MTCL3: variants seen among roughly 807,000 people sequenced by gnomAD.
MTCL3 encodes the protein microtubule cross-linking factor 3.
the MTCL3 span, among the ~76,000 whole-genome samples, chr6:127,488,790 T>A: frequency 1.3e-5 from 2 of 152,234 alleles, no homozygotes; most frequent in Non-Finnish European, 2.9e-5. Flanking sequence ...GCCCTCTGTA[T>A]CTACAGGTTT....
chr6:127,516,764 T>C, the MTCL3 span: 1 of 1,338,282 alleles, frequency 7.5e-7, no homozygotes. Flanking sequence ...GAGCAAAGGG[T>C]GATATTGCTC....
chr6:127,508,396 A>G, the MTCL3 span, among the ~76,000 whole-genome samples: 1 of 152,240 alleles, frequency 6.6e-6, no homozygotes, highest in African/African-American at 2.4e-5. Context: ...CTAAAAAACA[A>G]GAAAACCAGA....
the MTCL3 span, among the ~76,000 whole-genome samples, chr6:127,491,194 T>G: frequency 0.66 from 99,952 of 152,158 alleles, 33,045 homozygotes; most frequent in East Asian, 0.74. Context: ...CAGTGGCAAG[T>G]TTTGCAAGAA....
chr6:127,516,699 T>C, the MTCL3 span: 1 of 1,508,954 alleles, frequency 6.6e-7, no homozygotes, highest in Non-Finnish European at 8.8e-7. Context: ...CCTTCCTTCC[T>C]AAGCTGGGAC....
chr6:127,513,510 T>A, the MTCL3 span, among the ~76,000 whole-genome samples: 2 of 152,228 alleles, frequency 1.3e-5, no homozygotes, highest in Non-Finnish European at 2.9e-5. Context: ...AATGAAAAAT[T>A]GAAGTTTTTA....
the MTCL3 span, chr6:127,514,779 C>T: frequency 1.9e-6 from 3 of 1,551,786 alleles, no homozygotes; most frequent in Non-Finnish European, 2.6e-6. Context: ...AAAGTCCCCA[C>T]CCACCGCCCC....
chr6:127,485,431 T>C, the MTCL3 span, among the ~76,000 whole-genome samples: 2 of 152,138 alleles, frequency 1.3e-5, no homozygotes, highest in African/African-American at 4.8e-5. Flanking sequence ...AAAGATTGAA[T>C]TTTATCTTAT....
chr6:127,508,652 GAAGA>G, the MTCL3 span, among the ~76,000 whole-genome samples: 2 of 152,164 alleles, frequency 1.3e-5, no homozygotes, highest in African/African-American at 4.8e-5. Context: ...ATTCTGAAAA[GAAGA>G]AAGATCTGAT....
chr6:127,497,696 G>T, the MTCL3 span, among the ~76,000 whole-genome samples: 1 of 151,560 alleles, frequency 6.6e-6, no homozygotes, highest in Non-Finnish European at 1.5e-5. Flanking sequence ...GAGAGTGAGA[G>T]GAACTAAGAA....
chr6:127,495,004 T>C, the MTCL3 span, among the ~76,000 whole-genome samples: 1 of 152,084 alleles, frequency 6.6e-6, no homozygotes, highest in Non-Finnish European at 1.5e-5. Context: ...AAGACCATCC[T>C]GGCTAACATG....
chr6:127,516,303 C>A, the MTCL3 span: 1 of 1,573,402 alleles, frequency 6.4e-7, no homozygotes, highest in East Asian at 2.3e-5. Context: ...GGGGCGTCGC[C>A]TTCTCGGCCC....
chr6:127,510,131 C>G, the MTCL3 span, among the ~76,000 whole-genome samples: 4 of 152,064 alleles, frequency 2.6e-5, no homozygotes, highest in African/African-American at 7.2e-5. Context: ...TGCCATTTTC[C>G]TAATAAAAGA....
At chr6:127,516,126 G>A in the MTCL3 span, 1 of 1,457,228 alleles carries the variant, frequency 6.9e-7, no homozygotes, top group Non-Finnish European at 9.0e-7. Flanking sequence ...CCCCTTCTCC[G>A]AGCGGAGGGG....
At chr6:127,495,459 C>T in the MTCL3 span, among the ~76,000 whole-genome samples, 1 of 152,070 alleles carries the variant, frequency 6.6e-6, no homozygotes, top group Non-Finnish European at 1.5e-5. Flanking sequence ...AAAGGATGAG[C>T]TGTCCAGTCT....
chr6:127,481,869 C>G, the MTCL3 span, among the ~76,000 whole-genome samples: 1 of 152,204 alleles, frequency 6.6e-6, no homozygotes, highest in Non-Finnish European at 1.5e-5. Flanking sequence ...GCACAAGATA[C>G]AGGTCATAAA....
the MTCL3 span, among the ~76,000 whole-genome samples, chr6:127,506,535 A>T: frequency 1.3e-5 from 2 of 152,128 alleles, no homozygotes; most frequent in East Asian, 3.9e-4. Flanking sequence ...CCTTATTTCA[A>T]TAGTTTTATG....
At chr6:127,515,265 A>G in the MTCL3 span, among the ~76,000 whole-genome samples, 1 of 152,190 alleles carries the variant, frequency 6.6e-6, no homozygotes, top group African/African-American at 2.4e-5. The surrounding 1 kb of genome is among the most constrained non-coding windows in gnomAD (Gnocchi z 4.3). Context: ...CTCTCCAGGA[A>G]GAAGTGTGAC....
At chr6:127,515,537 G>T in the MTCL3 span, 2 of 1,448,766 alleles carry the variant, frequency 1.4e-6, no homozygotes, top group South Asian at 1.6e-5. This position sits in a 1 kb window ranked among gnomAD's most constrained non-coding sequence, Gnocchi z 4.3. Flanking sequence ...TTTTCCTCTC[G>T]CAGCTTCTCC....
At chr6:127,473,109 T>C in the MTCL3 span, 1 of 1,171,034 alleles carries the variant, frequency 8.5e-7, no homozygotes, top group Non-Finnish European at 1.1e-6. Context: ...GGGCTTCTTA[T>C]TGAATTTGGT....
Sources: gnomAD v4.1 joint callset for allele counts (sites outside exome capture counted in the v4.1 genomes callset) on GRCh38, gnomAD v4.1.1 for gene constraint, Gnocchi (gnomAD v3.1) non-coding constraint, MANE v1.5 for transcripts, NCBI Gene and HGNC (gene_info 2026-07-23, HGNC 2026-07-21) for gene names.